The following PDE4D variants were observed in gnomAD, a reference collection of about 807,000 sequenced individuals.
PDE4D encodes phosphodiesterase 4D.
PDE4D carries 24 observed loss-of-function variants against 87.4 expected under a neutral mutation model. The observed-to-expected ratio is 0.27, with a 90% confidence interval of 0.20 to 0.39. PDE4D has a LOEUF of 0.39. Among genes scored for constraint, PDE4D ranks in the 10% least tolerant of loss-of-function variants. The pLI is 1.00. For synonymous variants in PDE4D, 384 were observed against 383.2 expected (o/e 1.00, Z -0.02); for missense variants, 714 against 1,041.0 (o/e 0.69, Z 4.32).
chr5:59,041,536 C>T (rs1759685100), intron 5 of PDE4D, among the ~76,000 whole-genome samples: 1 of 152,176 alleles, frequency 6.6e-6, no homozygotes, highest in Non-Finnish European at 1.5e-5. Flanking sequence ...TTTGAGCTGT[C>T]CATAGTTAGC....
chr5:59,465,182 G>C (rs571315320), intron 1 of PDE4D, among the ~76,000 whole-genome samples: 1 of 152,238 alleles, frequency 6.6e-6, no homozygotes, highest in African/African-American at 2.4e-5. Flanking sequence ...AGCCTCACCA[G>C]CCCTCCCTTG....
chr5:60,457,204 C>T (rs941142012), intron 1 of PDE4D, among the ~76,000 whole-genome samples: 1 of 152,114 alleles, frequency 6.6e-6, no homozygotes, highest in Non-Finnish European at 1.5e-5. Flanking sequence ...GAGACAGAAT[C>T]TATATAACAT....
chr5:59,446,886 G>T (rs1798433400), intron 1 of PDE4D, among the ~76,000 whole-genome samples: 1 of 152,176 alleles, frequency 6.6e-6, no homozygotes, highest in African/African-American at 2.4e-5. Context: ...GCTCTGTTTA[G>T]ACTTTTTGGT....
At chr5:59,069,290 A>G (rs893609328) in intron 5 of PDE4D, among the ~76,000 whole-genome samples, 1 of 152,222 alleles carries the variant, frequency 6.6e-6, no homozygotes, top group Non-Finnish European at 1.5e-5. Context: ...TAAGATTAGC[A>G]AACTTCACAG....
chr5:59,581,740 A>G (rs936146771), intron 1 of PDE4D, among the ~76,000 whole-genome samples: 3 of 152,234 alleles, frequency 2.0e-5, no homozygotes, highest in Admixed American at 6.5e-5. Context: ...CTAAAACATA[A>G]ACATTTGTAA....
chr5:60,429,314 C>T (rs752321164), intron 1 of PDE4D, among the ~76,000 whole-genome samples: 5 of 152,092 alleles, frequency 3.3e-5, no homozygotes, highest in South Asian at 4.2e-4. Context: ...TGGACATTAT[C>T]GGTGTAGAGA....
chr5:60,063,911 T>C (rs990145402), intron 2 of PDE4D, among the ~76,000 whole-genome samples: 1 of 152,006 alleles, frequency 6.6e-6, no homozygotes, highest in African/African-American at 2.4e-5. Flanking sequence ...TCAAAATGCA[T>C]GTTTACTTTA....
chr5:59,205,141 C>T (rs954867308), intron 2 of PDE4D, among the ~76,000 whole-genome samples: 2 of 152,146 alleles, frequency 1.3e-5, no homozygotes, highest in Non-Finnish European at 2.9e-5. Context: ...CTGGTACTTG[C>T]CCAACAGAAT....
intron 2 of PDE4D, among the ~76,000 whole-genome samples, chr5:59,204,787 G>A (rs760350035): frequency 5.9e-5 from 9 of 152,142 alleles, no homozygotes; most frequent in Admixed American, 1.3e-4. Context: ...CAGTGGCCCT[G>A]CCCTTTTGGT....
chr5:59,992,435 T>C (rs1763110665), intron 2 of PDE4D, among the ~76,000 whole-genome samples: 1 of 152,230 alleles, frequency 6.6e-6, no homozygotes, highest in Non-Finnish European at 1.5e-5. Flanking sequence ...CATATACATG[T>C]ATCCTATTAG....
At chr5:59,103,102 T>C (rs566431946) in intron 5 of PDE4D, among the ~76,000 whole-genome samples, 1 of 152,314 alleles carries the variant, frequency 6.6e-6, no homozygotes, top group African/African-American at 2.4e-5. Context: ...TGTCTACTTG[T>C]CAATATATTT....
At chr5:60,268,584 A>G (rs936414080) in intron 1 of PDE4D, among the ~76,000 whole-genome samples, 1 of 152,226 alleles carries the variant, frequency 6.6e-6, no homozygotes, top group African/African-American at 2.4e-5. Flanking sequence ...AGCTTAAAGT[A>G]CTAAGAATTA....
At chr5:59,495,181 T>C (rs1806936785) in intron 1 of PDE4D, among the ~76,000 whole-genome samples, 1 of 152,184 alleles carries the variant, frequency 6.6e-6, no homozygotes, top group Non-Finnish European at 1.5e-5. Context: ...TTGACCACAC[T>C]GAAGTCGGGC....
intron 1 of PDE4D, among the ~76,000 whole-genome samples, chr5:60,380,159 G>A (rs1192543179): frequency 2.6e-5 from 4 of 152,130 alleles, no homozygotes; most frequent in Admixed American, 1.3e-4. Context: ...ACCATGATAC[G>A]GCAGTTATAG....
intron 6 of PDE4D, among the ~76,000 whole-genome samples, chr5:58,999,049 T>C (rs940877715): frequency 6.6e-6 from 1 of 152,192 alleles, no homozygotes; most frequent in Non-Finnish European, 1.5e-5. Flanking sequence ...TAGGGCTTTA[T>C]AGCTAAAGGT....
At chr5:59,783,599 C>G (rs1475265205) in intron 1 of PDE4D, among the ~76,000 whole-genome samples, 2 of 152,196 alleles carry the variant, frequency 1.3e-5, no homozygotes. Flanking sequence ...CTTCAATTCA[C>G]TTGGGATGTC....
intron 3 of PDE4D, among the ~76,000 whole-genome samples, chr5:59,190,109 G>A (rs192205975): frequency 6.6e-6 from 1 of 152,262 alleles, no homozygotes; most frequent in African/African-American, 2.4e-5. Flanking sequence ...ACCATGATTC[G>A]TGTTTTGGAG....
chr5:60,386,633 C>T (rs1304284836), intron 1 of PDE4D, among the ~76,000 whole-genome samples: 4 of 152,162 alleles, frequency 2.6e-5, no homozygotes, highest in African/African-American at 9.7e-5. Flanking sequence ...CAGCCCTGCG[C>T]ATGAACTTTC....
At chr5:60,466,939 T>C (rs1747400784) in intron 1 of PDE4D, among the ~76,000 whole-genome samples, 1 of 152,038 alleles carries the variant, frequency 6.6e-6, no homozygotes, top group Non-Finnish European at 1.5e-5. Context: ...ATATATATTT[T>C]AGGTGTCTAT....
Sources: gnomAD v4.1 joint callset for allele counts (sites outside exome capture counted in the v4.1 genomes callset) on GRCh38, gnomAD v4.1.1 for gene constraint, MANE v1.5 for transcripts, NCBI Gene and HGNC (gene_info 2026-07-23, HGNC 2026-07-21) for gene names.